Variants in LRRC1 observed in about 807,000 individuals in gnomAD.
The protein encoded by LRRC1 is leucine rich repeat containing 1, also known as leucine-rich repeat-containing protein 1.
In LRRC1, 28 loss-of-function variants were observed where a neutral mutation model predicts 69.9. The observed-to-expected ratio is 0.40, with a 90% CI of 0.30 to 0.55. LRRC1 has a LOEUF of 0.55. Among genes scored for constraint, LRRC1 ranks in the 20% least tolerant of loss-of-function variants. The probability of loss-of-function intolerance (pLI) is 0.47; values close to 1 mark genes in which losing one functional copy is unlikely to be tolerated. For missense variants in LRRC1, 498 were observed against 609.0 expected (o/e 0.82, Z 1.92); for synonymous variants, 236 against 240.2 (o/e 0.98, Z 0.16).
intron 1 of LRRC1, among the ~76,000 whole-genome samples, chr6:53,809,122 A>G (rs911725949): frequency 9.2e-5 from 14 of 152,230 alleles, no homozygotes; most frequent in African/African-American, 3.1e-4. Context: ...CACTCCAACT[A>G]TAAGTCTGCT....
At chr6:53,834,831 A>G (rs536002675) in intron 1 of LRRC1, among the ~76,000 whole-genome samples, 2 of 152,276 alleles carry the variant, frequency 1.3e-5, no homozygotes, top group Non-Finnish European at 2.9e-5. Flanking sequence ...AAATGGTGGC[A>G]CACACCGGTA....
chr6:53,810,560 C>G (rs896247964), intron 1 of LRRC1, among the ~76,000 whole-genome samples: 2 of 151,578 alleles, frequency 1.3e-5, no homozygotes, highest in Non-Finnish European at 2.9e-5. Flanking sequence ...GTGGGGCTTG[C>G]AGTGAGCCGA....
chr6:53,863,126 GT>G (rs1766585644), intron 2 of LRRC1, among the ~76,000 whole-genome samples: 1 of 152,286 alleles, frequency 6.6e-6, no homozygotes, highest in Non-Finnish European at 1.5e-5. Flanking sequence ...TTACATGCTT[GT>G]TCTGTTCACT....
At chr6:53,805,374 G>T (rs972618830) in intron 1 of LRRC1, among the ~76,000 whole-genome samples, 1 of 152,082 alleles carries the variant, frequency 6.6e-6, no homozygotes, top group African/African-American at 2.4e-5. Context: ...GGGTTGACTC[G>T]GTTCTCTTTC....
chr6:53,831,432 G>A lies in LRRC1; in HGVS notation c.160-10678G>A, dbSNP rs148091517. Among the ~76,000 whole-genome samples, 5 of 152,226 alleles carry A rather than the reference G, an allele frequency of 3.3e-5. No homozygotes were observed. In the East Asian group the frequency reaches 9.7e-4, roughly 29 times the overall value. ...CCGCCCCTTTTGGAAAAGTGCTTTG[G>A]CATTCCTTGAAACAAACTTTCCAGA... On this transcript the variant is annotated intron_variant, in intron 1 of 13. Transcript: ENST00000370888.
chr6:53,799,338 C>G (rs4336450), intron 1 of LRRC1, among the ~76,000 whole-genome samples: 129,332 of 152,246 alleles, frequency 0.85, 55,024 homozygotes, highest in East Asian at 0.96. Flanking sequence ...TAAAACATAA[C>G]CTCCATGAGT....
At chr6:53,918,226 G>A (rs1453923797) in intron 11 of LRRC1, among the ~76,000 whole-genome samples, 30 of 152,170 alleles carry the variant, frequency 2.0e-4, no homozygotes, top group Admixed American at 1.9e-3. Flanking sequence ...TGGATGCACT[G>A]GCTTAAGAAC....
chr6:53,872,345 T>C (rs1175247279), intron 2 of LRRC1, among the ~76,000 whole-genome samples: 1 of 152,208 alleles, frequency 6.6e-6, no homozygotes, highest in Admixed American at 6.5e-5. Flanking sequence ...TGTGAGATTT[T>C]GGTTCAACCA....
At chr6:53,921,832 AG>A (rs150324644) in intron 13 of LRRC1, among the ~76,000 whole-genome samples, 1,932 of 152,342 alleles carry the variant, frequency 0.013, 45 homozygotes, top group African/African-American at 0.042. Flanking sequence ...AACGCAAATT[AG>A]GGATGACAAA....
intron 2 of LRRC1, among the ~76,000 whole-genome samples, chr6:53,872,079 A>G (rs969767558): frequency 1.3e-5 from 2 of 152,096 alleles, no homozygotes; most frequent in South Asian, 2.1e-4. Context: ...GTATAGTTTC[A>G]GGTCTTACAT....
At chr6:53,840,012 G>A (rs1765722548) in intron 1 of LRRC1, among the ~76,000 whole-genome samples, 1 of 151,684 alleles carries the variant, frequency 6.6e-6, no homozygotes, top group Admixed American at 6.6e-5. Context: ...GTTGCTCTTG[G>A]GGCCTGATAT....
chr6:53,809,413 G>A (rs1263702672), intron 1 of LRRC1, among the ~76,000 whole-genome samples: 1 of 152,164 alleles, frequency 6.6e-6, no homozygotes, highest in Admixed American at 6.5e-5. Context: ...GAGGAAGGGG[G>A]CAGTGTTATT....
At chr6:53,910,290 A>G (rs1768367887) in intron 10 of LRRC1, among the ~76,000 whole-genome samples, 1 of 152,216 alleles carries the variant, frequency 6.6e-6, no homozygotes, top group Middle Eastern at 3.2e-3. Flanking sequence ...CATAACTGGT[A>G]ATAAGTTATT....
chr6:53,856,847 G>C (rs1766324864), intron 2 of LRRC1, among the ~76,000 whole-genome samples: 1 of 152,178 alleles, frequency 6.6e-6, no homozygotes, highest in African/African-American at 2.4e-5. Flanking sequence ...ATCTATGTCA[G>C]GGGTGGAGGG....
At chr6:53,833,402 T>G (rs1765488423) in intron 1 of LRRC1, among the ~76,000 whole-genome samples, 1 of 152,182 alleles carries the variant, frequency 6.6e-6, no homozygotes, top group Non-Finnish European at 1.5e-5. Context: ...TCATTAATGG[T>G]GACAGCTTAA....
rs759877320 is a variant in LRRC1 at position 53,795,253 on chromosome 6, G to T, written c.-4G>T. On this transcript the variant is annotated 5_prime_UTR_variant, in exon 1 of 14. Coordinates refer to ENST00000370888, the MANE Select transcript of LRRC1 (RefSeq NM_018214.5). Reference sequence around the variant, plus strand: ...GACCCGGCTAGGCGGCGGCGGGGGCGGCGATGTTCCACTGCATCCCCCTGT... The same window carrying T: ...GACCCGGCTAGGCGGCGGCGGGGGCTGCGATGTTCCACTGCATCCCCCTGT... 1.9e-6 allele frequency: 3 copies of T among 1,602,012 alleles called. No individual in the cohort carries two copies. In the East Asian group the frequency reaches 6.7e-5, roughly 36 times the overall value.
intron 1 of LRRC1, among the ~76,000 whole-genome samples, chr6:53,824,948 C>T (rs1376412100): frequency 2.0e-5 from 3 of 152,194 alleles, no homozygotes; most frequent in Admixed American, 2.0e-4. Context: ...TGTAGGGGAA[C>T]ATTTTTCTTT....
intron 2 of LRRC1, among the ~76,000 whole-genome samples, chr6:53,878,029 C>T (rs1045396167): frequency 3.3e-5 from 5 of 152,132 alleles, no homozygotes; most frequent in South Asian, 2.1e-4. Flanking sequence ...CTCACAATCA[C>T]GGTGGAAGGC....
chr6:53,875,624 G>A (rs1335047396), intron 2 of LRRC1, among the ~76,000 whole-genome samples: 2 of 152,108 alleles, frequency 1.3e-5, no homozygotes, highest in East Asian at 1.9e-4. Flanking sequence ...CACTACTTTG[G>A]AATACCTGGT....
Sources: allele counts gnomAD v4.1 joint callset (sites outside exome capture counted in the v4.1 genomes callset), GRCh38; gene constraint gnomAD v4.1.1; transcripts MANE v1.5; gene names NCBI Gene and HGNC (gene_info 2026-07-23, HGNC 2026-07-21).